The following LRMDA variants were observed in gnomAD, a reference collection of about 807,000 sequenced individuals.
The protein encoded by LRMDA is leucine-rich melanocyte differentiation-associated protein.
Under a neutral mutation model 29.8 loss-of-function variants are expected in LRMDA, and 18 were observed. The ratio of observed to expected loss-of-function variants is 0.60; its 90% CI spans 0.42 to 0.90. The LOEUF (loss-of-function observed/expected upper bound fraction) is 0.90, where lower values mean the gene tolerates loss of function less well. Ranked by LOEUF, LRMDA falls within the 40% of genes least tolerant of loss-of-function variation. The pLI is 0.00. For synonymous variants in LRMDA, 125 were observed against 109.4 expected (o/e 1.14, Z -0.89); for missense variants, 273 against 273.9 (o/e 1.00, Z 0.02).
At chr10:76,385,204 C>G (rs1258535297) in intron 6 of LRMDA, among the ~76,000 whole-genome samples, 3 of 152,114 alleles carry the variant, frequency 2.0e-5, no homozygotes, top group African/African-American at 2.4e-5. Context: ...TTCAGTTGCC[C>G]GAGGAGAGGA....
At chr10:76,110,065 G>A (rs1257477375) in intron 5 of LRMDA, among the ~76,000 whole-genome samples, 1 of 152,154 alleles carries the variant, frequency 6.6e-6, no homozygotes, top group Non-Finnish European at 1.5e-5. Context: ...CTGACCACCA[G>A]AGAAATATTT....
chr10:75,455,717 C>G (rs1021774766), intron 2 of LRMDA, among the ~76,000 whole-genome samples: 1 of 152,166 alleles, frequency 6.6e-6, no homozygotes, highest in Non-Finnish European at 1.5e-5. Context: ...TAGCACAGTC[C>G]AATTAATTGC....
chr10:75,553,098 T>C (rs1188943561), intron 2 of LRMDA, among the ~76,000 whole-genome samples: 1 of 152,206 alleles, frequency 6.6e-6, no homozygotes, highest in Non-Finnish European at 1.5e-5. Flanking sequence ...ATTTTTTTTC[T>C]TGCTTTTTGT....
At chr10:75,949,188 G>A (rs1474551292) in intron 2 of LRMDA, among the ~76,000 whole-genome samples, 1 of 152,172 alleles carries the variant, frequency 6.6e-6, no homozygotes, top group African/African-American at 2.4e-5. Context: ...TGGGTGTTTA[G>A]GAGGGGTGTC....
chr10:76,086,210 A>C (rs4114242), intron 5 of LRMDA, among the ~76,000 whole-genome samples: 55,466 of 152,018 alleles, frequency 0.36, 11,158 homozygotes, highest in Non-Finnish European at 0.45. Flanking sequence ...GGGTGAGTTT[A>C]ACTGGAGCAC....
chr10:75,982,659 C>T (rs1847193115), intron 2 of LRMDA, among the ~76,000 whole-genome samples: 6 of 152,170 alleles, frequency 3.9e-5, no homozygotes. Flanking sequence ...TGACCTAGGA[C>T]TCATCAAGGT....
chr10:75,931,470 G>T (rs889299983), intron 2 of LRMDA, among the ~76,000 whole-genome samples: 1 of 152,162 alleles, frequency 6.6e-6, no homozygotes, highest in African/African-American at 2.4e-5. Flanking sequence ...AGATTTCTAG[G>T]ATATCAGCGG....
chr10:76,376,881 T>TC, intron 6 of LRMDA, among the ~76,000 whole-genome samples: 1 of 120,488 alleles, frequency 8.3e-6, no homozygotes, highest in East Asian at 2.5e-4. Flanking sequence ...TTTTTTTTTT[T>TC]TTTTTTTTTT....
intron 3 of LRMDA, among the ~76,000 whole-genome samples, chr10:76,044,228 C>CA (rs1848389521): frequency 6.6e-6 from 1 of 152,110 alleles, no homozygotes; most frequent in Non-Finnish European, 1.5e-5. Context: ...TGGAGCAAAC[C>CA]ATGAAGGGGA....
intron 2 of LRMDA, chr10:75,782,829 G>T: frequency 2.0e-6 from 3 of 1,474,218 alleles, no homozygotes; most frequent in Non-Finnish European, 2.7e-6. Context: ...GCCAGCGCCG[G>T]CGTGCATGTG....
chr10:76,556,149 G>A (rs1017831654), intron 6 of LRMDA, among the ~76,000 whole-genome samples: 1 of 152,142 alleles, frequency 6.6e-6, no homozygotes, highest in Admixed American at 6.5e-5. Context: ...CAACCCTATT[G>A]TAGGGGCATT....
At chr10:75,516,221 G>C (rs986841825) in intron 2 of LRMDA, among the ~76,000 whole-genome samples, 1 of 152,202 alleles carries the variant, frequency 6.6e-6, no homozygotes, top group Non-Finnish European at 1.5e-5. Context: ...TATATACCCA[G>C]TAATGGAATT....
chr10:75,509,297 A>ACTC (rs1208089385), intron 2 of LRMDA, among the ~76,000 whole-genome samples: 2 of 152,200 alleles, frequency 1.3e-5, no homozygotes, highest in East Asian at 3.9e-4. Flanking sequence ...TGTGTGTAAC[A>ACTC]CTCTTAAGCA....
intron 2 of LRMDA, among the ~76,000 whole-genome samples, chr10:75,456,583 G>GC (rs1406963666): frequency 7.9e-5 from 12 of 152,208 alleles, no homozygotes; most frequent in Non-Finnish European, 1.8e-4. Context: ...TTTCAGAAGT[G>GC]CCCAGGACAG....
chr10:75,798,313 A>C (rs1201856621), intron 2 of LRMDA, among the ~76,000 whole-genome samples: 1 of 152,020 alleles, frequency 6.6e-6, no homozygotes, highest in Non-Finnish European at 1.5e-5. Context: ...AAAGTTTTTA[A>C]TATTGGCAAA....
intron 2 of LRMDA, among the ~76,000 whole-genome samples, chr10:75,702,067 C>T (rs1156832060): frequency 1.3e-5 from 2 of 152,186 alleles, no homozygotes; most frequent in Non-Finnish European, 2.9e-5. Flanking sequence ...CAATCTTCAC[C>T]TAGCTAACAC....
At chr10:76,271,985 C>A (rs575078404) in intron 5 of LRMDA, among the ~76,000 whole-genome samples, 3 of 152,246 alleles carry the variant, frequency 2.0e-5, no homozygotes, top group Admixed American at 2.0e-4. Flanking sequence ...TGCAGTCACT[C>A]AGTAAGAAAA....
chr10:76,450,575 A>G (rs1842395800), intron 6 of LRMDA, among the ~76,000 whole-genome samples: 1 of 152,092 alleles, frequency 6.6e-6, no homozygotes, highest in Non-Finnish European at 1.5e-5. Flanking sequence ...GTAACACTTC[A>G]TCTGGATCTA....
chr10:75,445,292 AGTTT>A (rs1461138864), intron 2 of LRMDA, among the ~76,000 whole-genome samples: 3 of 151,806 alleles, frequency 2.0e-5, no homozygotes, highest in African/African-American at 4.9e-5. Flanking sequence ...TTGGACATTT[AGTTT>A]GTTTTTTTTT....
Sources: allele counts gnomAD v4.1 joint callset (sites outside exome capture counted in the v4.1 genomes callset), GRCh38; gene constraint gnomAD v4.1.1; transcripts MANE v1.5; gene names NCBI Gene and HGNC (gene_info 2026-07-23, HGNC 2026-07-21).